The following SMARCC1 variants were observed in gnomAD, a reference collection of about 807,000 sequenced individuals.
SMARCC1 encodes SWI/SNF complex subunit SMARCC1.
SMARCC1 carries 43 observed loss-of-function variants against 147.4 expected under a neutral mutation model. The observed-to-expected ratio is 0.29, with a 90% confidence interval of 0.23 to 0.38. The LOEUF is 0.38. Ranked by LOEUF, SMARCC1 falls within the 10% of genes least tolerant of loss-of-function variation. The pLI is 1.00. For synonymous variants in SMARCC1, 495 were observed against 484.4 expected, an observed-to-expected ratio of 1.02 and a Z score of -0.29; for missense variants, 1,119 against 1,381.1, an observed-to-expected ratio of 0.81 and a Z score of 3.01.
intron 16 of SMARCC1, 98 bp from the exon 17 acceptor site, chr3:47,676,880 A>G (rs1186595373): frequency 9.8e-7 from 1 of 1,016,818 alleles, no homozygotes; most frequent in Non-Finnish European, 1.5e-6. Flanking sequence ...CAATAAAACC[A>G]GTAAATGTGC....
At chr3:47,635,110 TA>T in intron 24 of SMARCC1, 79 bp downstream of exon 24, 1 of 1,271,208 alleles carries the variant, frequency 7.9e-7, no homozygotes, top group Non-Finnish European at 1.1e-6. Context: ...CTCTTTATAC[TA>T]AATGTTCCCA....
At chr3:47,738,945 C>G (rs1221006943) in intron 3 of SMARCC1, among the ~76,000 whole-genome samples, 1 of 152,260 alleles carries the variant, frequency 6.6e-6, no homozygotes, top group Non-Finnish European at 1.5e-5. Context: ...TGTGGTAACA[C>G]TGATCTATTT....
intron 2 of SMARCC1, among the ~76,000 whole-genome samples, chr3:47,771,783 C>T (rs928419513): frequency 1.5e-4 from 22 of 151,598 alleles, no homozygotes; most frequent in East Asian, 1.2e-3. Flanking sequence ...CATAACATAT[C>T]ATAACATAAA....
chr3:47,776,278 C>T (rs556296427), intron 1 of SMARCC1, among the ~76,000 whole-genome samples: 2 of 152,292 alleles, frequency 1.3e-5, no homozygotes, highest in Admixed American at 6.5e-5. Flanking sequence ...ATGTACTGCA[C>T]TTTTTTTGTA....
intron 26 of SMARCC1, among the ~76,000 whole-genome samples, chr3:47,603,114 T>A (rs548631289): frequency 6.6e-6 from 1 of 152,202 alleles, no homozygotes; most frequent in South Asian, 2.1e-4. Context: ...CCTACAGTCC[T>A]GACCATCTCA....
intron 9 of SMARCC1, among the ~76,000 whole-genome samples, chr3:47,709,506 T>C (rs2034058747): frequency 6.6e-6 from 1 of 151,054 alleles, no homozygotes; most frequent in Non-Finnish European, 1.5e-5. Context: ...GCCAACATGG[T>C]GAAATCCCGT....
chr3:47,686,892 A>G (rs1044251851), intron 13 of SMARCC1, among the ~76,000 whole-genome samples: 3 of 152,200 alleles, frequency 2.0e-5, no homozygotes, highest in Admixed American at 6.5e-5. Context: ...GGCTGAAGTC[A>G]GCAAGATTGC....
At chr3:47,776,105 G>A (rs776531941) in intron 1 of SMARCC1, among the ~76,000 whole-genome samples, 15 of 150,980 alleles carry the variant, frequency 9.9e-5, no homozygotes, top group South Asian at 6.3e-4. Flanking sequence ...CCGAAAGTGC[G>A]CCACTGCACT....
intron 1 of SMARCC1, among the ~76,000 whole-genome samples, chr3:47,776,797 C>T (rs1021985431): frequency 3.3e-5 from 5 of 150,476 alleles, no homozygotes; most frequent in Non-Finnish European, 5.9e-5. Context: ...TTTTTTAAAC[C>T]GAGTTTTGAT....
intron 5 of SMARCC1, among the ~76,000 whole-genome samples, chr3:47,734,011 A>G (rs2034410774): frequency 6.6e-6 from 1 of 152,016 alleles, no homozygotes; most frequent in Non-Finnish European, 1.5e-5. Context: ...ATCTACATAT[A>G]TGTATACACA....
intron 21 of SMARCC1, among the ~76,000 whole-genome samples, chr3:47,658,848 G>C (rs556872682): frequency 6.6e-6 from 1 of 152,110 alleles, no homozygotes; most frequent in East Asian, 1.9e-4. Flanking sequence ...GGCTAGGCAC[G>C]GTGGCTTACA....
intron 21 of SMARCC1, among the ~76,000 whole-genome samples, chr3:47,654,904 G>A (rs994084555): frequency 8.5e-5 from 13 of 152,270 alleles, no homozygotes; most frequent in Admixed American, 6.5e-4. Flanking sequence ...TAACACTGGG[G>A]ATCAAAGTTC....
chr3:47,620,776 G>A (rs1189916526), intron 25 of SMARCC1, among the ~76,000 whole-genome samples: 1 of 152,106 alleles, frequency 6.6e-6, no homozygotes, highest in Non-Finnish European at 1.5e-5. Context: ...ATCTGAGGGA[G>A]GATAACAGAA....
intron 26 of SMARCC1, among the ~76,000 whole-genome samples, chr3:47,606,756 C>G (rs1430193767): frequency 6.6e-6 from 1 of 152,028 alleles, no homozygotes; most frequent in Non-Finnish European, 1.5e-5. Flanking sequence ...TGGAGTGTAA[C>G]GGTGCAGTGT....
intron 22 of SMARCC1, among the ~76,000 whole-genome samples, chr3:47,637,903 C>A (rs933748837): frequency 3.9e-5 from 6 of 152,108 alleles, no homozygotes; most frequent in African/African-American, 1.4e-4. Flanking sequence ...GATTTTCTAA[C>A]CTCTATTTCA....
intron 21 of SMARCC1, among the ~76,000 whole-genome samples, chr3:47,658,546 C>A (rs2033293769): frequency 6.6e-6 from 1 of 152,180 alleles, no homozygotes; most frequent in Non-Finnish European, 1.5e-5. Flanking sequence ...TTTTCACTGG[C>A]TTTTCACTTA....
At chr3:47,671,406 C>G (rs960715808) in intron 18 of SMARCC1, among the ~76,000 whole-genome samples, 1 of 152,056 alleles carries the variant, frequency 6.6e-6, no homozygotes, top group African/African-American at 2.4e-5. Context: ...CTACTTCTTC[C>G]ACGATTCAAG....
At chr3:47,694,451 C>T (rs905231419) in intron 11 of SMARCC1, among the ~76,000 whole-genome samples, 3 of 152,090 alleles carry the variant, frequency 2.0e-5, no homozygotes, top group Non-Finnish European at 2.9e-5. Context: ...AATACAAAAA[C>T]TAGCTGGGCA....
At chr3:47,667,813 G>A (rs1301218157) in intron 19 of SMARCC1, among the ~76,000 whole-genome samples, 3 of 152,132 alleles carry the variant, frequency 2.0e-5, no homozygotes, top group East Asian at 1.9e-4. Context: ...GGAGGCAGAG[G>A]TTGCAGTGAG....
Sources: gnomAD v4.1 joint callset for allele counts (sites outside exome capture counted in the v4.1 genomes callset) on GRCh38, gnomAD v4.1.1 for gene constraint, MANE v1.5 for transcripts, NCBI Gene and HGNC (gene_info 2026-07-23, HGNC 2026-07-21) for gene names.